The following MICU2 variants were observed in gnomAD, a reference collection of about 807,000 sequenced individuals.
The protein encoded by MICU2 is calcium uptake protein 2, mitochondrial.
In MICU2, 64 loss-of-function variants were observed where a neutral mutation model predicts 60.4. The observed-to-expected ratio is 1.06, with a 90% CI of 0.87 to 1.31. MICU2 has a LOEUF of 1.31. Ranked by LOEUF, MICU2 falls within the 50% of genes most tolerant of loss-of-function variation. The pLI, the probability that MICU2 is intolerant of heterozygous loss-of-function variation, is 0.00. For missense variants in MICU2, 569 were observed against 531.0 expected (o/e 1.07, Z -0.70); for synonymous variants, 201 against 175.0 (o/e 1.15, Z -1.17).
chr13:21,597,963 C>A (rs192926595), intron 1 of MICU2, among the ~76,000 whole-genome samples: 2 of 142,718 alleles, frequency 1.4e-5, no homozygotes, highest in South Asian at 2.2e-4. Context: ...TTTCAAAGAG[C>A]GATAAGTACT....
At chr13:21,512,908 G>C (rs1886468021) in intron 7 of MICU2, among the ~76,000 whole-genome samples, 1 of 152,092 alleles carries the variant, frequency 6.6e-6, no homozygotes, top group South Asian at 2.1e-4. Flanking sequence ...TGTGAGACAG[G>C]AGTCCGACTT....
At chr13:21,496,211 T>G (rs1163753398) in intron 9 of MICU2, 51 bp from the exon 10 acceptor site, 1 of 1,329,534 alleles carries the variant, frequency 7.5e-7, no homozygotes, top group Non-Finnish European at 1.1e-6. Flanking sequence ...TTAAATAATC[T>G]TATAAATGTT....
chr13:21,541,093 G>A (rs2761908), intron 2 of MICU2, among the ~76,000 whole-genome samples: 1 of 152,098 alleles, frequency 6.6e-6, no homozygotes, highest in Non-Finnish European at 1.5e-5. Context: ...ACTTAAAGTA[G>A]TCTAGAAAGC....
chr13:21,577,804 CAAAAAA>C (rs56200015), intron 1 of MICU2, among the ~76,000 whole-genome samples: 1 of 47,900 alleles, frequency 2.1e-5, no homozygotes, highest in Non-Finnish European at 4.1e-5. Context: ...GACTCGGTCT[CAAAAAA>C]AAAAAAAAAA....
intron 2 of MICU2, among the ~76,000 whole-genome samples, chr13:21,554,365 T>C (rs1373025558): frequency 8.5e-5 from 13 of 152,236 alleles, no homozygotes; most frequent in Non-Finnish European, 1.5e-4. Context: ...ATTAGAACTC[T>C]GGATTAAGAA....
intron 9 of MICU2, among the ~76,000 whole-genome samples, chr13:21,501,736 A>G (rs1347539019): frequency 6.6e-6 from 1 of 152,142 alleles, no homozygotes; most frequent in Non-Finnish European, 1.5e-5. Context: ...GTGTCATGTG[A>G]TGTTTCCAGG....
At chr13:21,596,409 A>C (rs1888691343) in intron 1 of MICU2, among the ~76,000 whole-genome samples, 1 of 150,106 alleles carries the variant, frequency 6.7e-6, no homozygotes, top group Admixed American at 6.7e-5. Context: ...CCTGAAGCCT[A>C]AGTCAGCCAC....
intron 1 of MICU2, among the ~76,000 whole-genome samples, chr13:21,567,807 T>C (rs1888020314): frequency 6.6e-6 from 1 of 152,156 alleles, no homozygotes; most frequent in Admixed American, 6.5e-5. Context: ...CTTTGAGCAG[T>C]AGATACAGAA....
At chr13:21,602,039 T>C (rs1888829549) in intron 1 of MICU2, among the ~76,000 whole-genome samples, 1 of 148,188 alleles carries the variant, frequency 6.7e-6, no homozygotes, top group Admixed American at 6.8e-5. Context: ...ACCGGGGAGT[T>C]AAGAGGTTGT....
chr13:21,603,337 GAT>G (rs950112337), intron 1 of MICU2, among the ~76,000 whole-genome samples: 1 of 152,126 alleles, frequency 6.6e-6, no homozygotes, highest in Non-Finnish European at 1.5e-5. Flanking sequence ...GGTCCACTAA[GAT>G]ATTAAGGTTT....
intron 1 of MICU2, among the ~76,000 whole-genome samples, chr13:21,581,458 T>G (rs1731566270): frequency 6.6e-6 from 1 of 152,220 alleles, no homozygotes; most frequent in Non-Finnish European, 1.5e-5. Flanking sequence ...ATCATACTTC[T>G]GGGGTTCATA....
intron 1 of MICU2, among the ~76,000 whole-genome samples, chr13:21,573,589 T>G (rs1888162671): frequency 6.6e-6 from 1 of 152,064 alleles, no homozygotes; most frequent in African/African-American, 2.4e-5. Context: ...ATCTTATGTT[T>G]AAGCATACTA....
chr13:21,576,294 T>C (rs778815938), intron 1 of MICU2, among the ~76,000 whole-genome samples: 1 of 152,096 alleles, frequency 6.6e-6, no homozygotes, highest in Non-Finnish European at 1.5e-5. Context: ...AGCTGAGAAG[T>C]AGATGCAGAG....
intron 2 of MICU2, among the ~76,000 whole-genome samples, chr13:21,552,979 A>T (rs1887611866): frequency 1.3e-5 from 2 of 152,210 alleles, no homozygotes; most frequent in South Asian, 4.1e-4. Flanking sequence ...AGTCATTGGT[A>T]GCTTGATGGG....
At chr13:21,501,068 G>A (rs1886139356) in intron 9 of MICU2, among the ~76,000 whole-genome samples, 1 of 151,678 alleles carries the variant, frequency 6.6e-6, no homozygotes, top group African/African-American at 2.4e-5. Flanking sequence ...TCCCTCAGAT[G>A]GCCAGTGAAT....
chr13:21,581,770 C>T (rs1456702549), intron 1 of MICU2, among the ~76,000 whole-genome samples: 1 of 152,100 alleles, frequency 6.6e-6, no homozygotes, highest in Non-Finnish European at 1.5e-5. Flanking sequence ...GCTTACCCAA[C>T]ATGACTAAGT....
intron 1 of MICU2, among the ~76,000 whole-genome samples, chr13:21,585,955 T>C (rs746683357): frequency 6.6e-6 from 1 of 152,190 alleles, no homozygotes; most frequent in Non-Finnish European, 1.5e-5. Context: ...ATGCCCAATA[T>C]ATTACTTGTA....
intron 2 of MICU2, among the ~76,000 whole-genome samples, chr13:21,556,686 T>C (rs1052603660): frequency 3.3e-5 from 5 of 152,100 alleles, no homozygotes; most frequent in African/African-American, 1.2e-4. Flanking sequence ...AGGAAGCATG[T>C]AGGCAAGTTC....
rs1431919514 is a variant in MICU2 at position 21,560,786 on chromosome 13, TA to T, written c.358+6010del. On this transcript the variant is annotated intron_variant, in intron 2 of 11. Coordinates refer to ENST00000382374, the MANE Select transcript of MICU2 (RefSeq NM_152726.3). ...AAATGTCTAGGTAGCAGAATTTCTG[TA>T]AAAATTTTCAATTTGAGTGCCTGTA... 1.2e-4 allele frequency among the ~76,000 whole-genome samples: 18 copies of T among 152,342 alleles called. 3 individuals carry two copies. The South Asian group carries it at 3.7e-3, about 32-fold the overall frequency.
Sources: gnomAD v4.1 joint callset for allele counts (sites outside exome capture counted in the v4.1 genomes callset) on GRCh38, gnomAD v4.1.1 for gene constraint, MANE v1.5 for transcripts, NCBI Gene and HGNC (gene_info 2026-07-23, HGNC 2026-07-21) for gene names.